Variants in RGS6 observed in about 807,000 individuals in gnomAD.
RGS6 encodes regulator of G protein signaling 6.
Under a neutral mutation model 78.5 loss-of-function variants are expected in RGS6, and 30 were observed. The ratio of observed to expected loss-of-function variants is 0.38; its 90% confidence interval spans 0.29 to 0.52. The LOEUF (loss-of-function observed/expected upper bound fraction) is 0.52, where lower values mean the gene tolerates loss of function less well. Among genes scored for constraint, RGS6 ranks in the 20% least tolerant of loss-of-function variants. RGS6 has a pLI of 0.85. For synonymous variants in RGS6, 206 were observed against 206.0 expected, an observed-to-expected ratio of 1.00 and a Z score of 0.00; for missense variants, 495 against 609.7, an observed-to-expected ratio of 0.81 and a Z score of 1.98.
At chr14:72,118,851 G>C (rs1020745942) in intron 2 of RGS6, among the ~76,000 whole-genome samples, 3 of 152,308 alleles carry the variant, frequency 2.0e-5, no homozygotes, top group South Asian at 2.1e-4. Context: ...AGTGGTTTTG[G>C]TGTTGAAAGA....
At position 71,991,947 on chromosome 14, in the gene RGS6, C is replaced by G. The variant is rs189108298; in HGVS notation, c.84+27072C>G. Among the ~76,000 whole-genome samples the G allele has an allele frequency of 5.9e-4, 90 of 151,868 alleles. No individual in the cohort carries two copies. The Middle Eastern group carries it at 0.01, about 17-fold the overall frequency. On this transcript the variant is annotated intron_variant, in intron 2 of 17. Coordinates refer to ENST00000553525, the MANE Select transcript of RGS6 (RefSeq NM_001204424.2). The stretch of plus-strand genomic sequence containing the variant: ...TGGACATGTCTGTATTCTAATAAAA[C>G]TTTATGAAAACAGGCAGTGAGCCAG...
intron 2 of RGS6, among the ~76,000 whole-genome samples, chr14:72,197,819 G>A (rs1433631641): frequency 2.6e-5 from 4 of 151,988 alleles, no homozygotes; most frequent in Non-Finnish European, 5.9e-5. Context: ...TAGCTCTGAG[G>A]TCCTTCAGGG....
At chr14:72,059,660 G>A (rs1376687269) in intron 2 of RGS6, among the ~76,000 whole-genome samples, 1 of 152,142 alleles carries the variant, frequency 6.6e-6, no homozygotes, top group African/African-American at 2.4e-5. Flanking sequence ...CTAACCCCCA[G>A]TGTGATGGTA....
intron 15 of RGS6, among the ~76,000 whole-genome samples, chr14:72,527,654 T>C (rs2097134833): frequency 6.6e-6 from 1 of 152,220 alleles, no homozygotes; most frequent in African/African-American, 2.4e-5. Flanking sequence ...TTATTGCCAC[T>C]TGACATGTAT....
intron 2 of RGS6, among the ~76,000 whole-genome samples, chr14:72,168,535 G>T (rs58868301): frequency 6.6e-6 from 1 of 152,200 alleles, no homozygotes; most frequent in African/African-American, 2.4e-5. Context: ...AATAAAGGGC[G>T]TAAGATATCT....
chr14:72,421,534 G>A (rs967361814), intron 3 of RGS6: 1 of 152,066 alleles, frequency 6.6e-6, no homozygotes, highest in African/African-American at 2.4e-5. Context: ...TTTGAGAAAA[G>A]AGGATTTAGT....
chr14:72,464,939 GA>G (rs1305611883), intron 6 of RGS6, among the ~76,000 whole-genome samples: 2 of 152,222 alleles, frequency 1.3e-5, no homozygotes, highest in Non-Finnish European at 2.9e-5. Context: ...TAGAGCAGGG[GA>G]CAGTCTAGTA....
At chr14:71,874,292 T>C in the RGS6 span, among the ~76,000 whole-genome samples, 1 of 152,002 alleles carries the variant, frequency 6.6e-6, no homozygotes, top group Non-Finnish European at 1.5e-5. Flanking sequence ...TGTTCTTCCA[T>C]TTGTTTGTGT....
chr14:72,585,148 G>A, the RGS6 span, among the ~76,000 whole-genome samples: 1 of 151,674 alleles, frequency 6.6e-6, no homozygotes, highest in Non-Finnish European at 1.5e-5. Context: ...TATACTTTCA[G>A]TCTACACATT....
At chr14:72,619,303 C>T in the RGS6 span, 16 of 1,536,086 alleles carry the variant, frequency 1.0e-5, 1 homozygote, top group South Asian at 9.5e-5. Flanking sequence ...GGCCCTAGGC[C>T]TGGCAGCCAA....
intron 2 of RGS6, among the ~76,000 whole-genome samples, chr14:71,976,873 C>T (rs1264524290): frequency 1.4e-5 from 2 of 145,648 alleles, no homozygotes; most frequent in East Asian, 4.2e-4. Flanking sequence ...TTTACAGTCC[C>T]ACCAACAGTG....
At chr14:72,475,417 C>T (rs968886473) in intron 10 of RGS6, among the ~76,000 whole-genome samples, 3 of 151,978 alleles carry the variant, frequency 2.0e-5, no homozygotes, top group African/African-American at 7.3e-5. Flanking sequence ...GACAGCATGA[C>T]CAGACTCCGT....
chr14:72,352,082 T>C lies in RGS6; in HGVS notation c.85-13T>C, dbSNP rs751313009. The stretch of plus-strand genomic sequence containing the variant: ...GGGAGAAAATAACACTTCTTTTCTT[T>C]AACCTCTTTCAGATTGAAGACATCA... On this transcript the variant is annotated splice_polypyrimidine_tract_variant and intron_variant, in intron 2 of 17. Coordinates refer to ENST00000553525, the MANE Select transcript of RGS6 (RefSeq NM_001204424.2). 3 of 1,594,832 alleles carry C rather than the reference T, an allele frequency of 1.9e-6. No homozygotes were observed. Among genetic ancestry groups the C allele is most frequent in the Non-Finnish European group, 2.6e-6 (3 of 1,166,154 alleles).
intron 2 of RGS6, among the ~76,000 whole-genome samples, chr14:72,303,701 C>A (rs1303958105): frequency 6.6e-6 from 1 of 152,114 alleles, no homozygotes; most frequent in Non-Finnish European, 1.5e-5. Context: ...AACTAATTTC[C>A]TTCCCTATAA....
chr14:72,004,990 A>G (rs995526956), intron 2 of RGS6, among the ~76,000 whole-genome samples: 4 of 152,230 alleles, frequency 2.6e-5, no homozygotes, highest in Admixed American at 1.3e-4. Context: ...TTTTGACATA[A>G]CAAATCTAAT....
chr14:72,289,588 A>T (rs182860186), intron 2 of RGS6, among the ~76,000 whole-genome samples: 9 of 152,314 alleles, frequency 5.9e-5, no homozygotes, highest in Admixed American at 4.6e-4. Flanking sequence ...CCTCATGTTC[A>T]CGCTGGGAGG....
chr14:72,461,136 T>C (rs185421324), intron 6 of RGS6, among the ~76,000 whole-genome samples: 1 of 152,278 alleles, frequency 6.6e-6, no homozygotes, highest in East Asian at 1.9e-4. Flanking sequence ...ATAAAACTAG[T>C]GCTTCTGGGG....
At chr14:72,354,020 G>GCACACA (rs55728308) in intron 3 of RGS6, among the ~76,000 whole-genome samples, 8 of 151,358 alleles carry the variant, frequency 5.3e-5, no homozygotes, top group Admixed American at 1.3e-4. Context: ...TCATGGAACA[G>GCACACA]CACACACACA....
chr14:72,510,061 G>C (rs1372770441), intron 13 of RGS6, 93 bp from the exon 14 acceptor site: 40 of 1,396,954 alleles, frequency 2.9e-5, no homozygotes, highest in Non-Finnish European at 2.9e-6. Context: ...TTTGGTGAGT[G>C]ACTGCAAAAC....
Sources: gnomAD v4.1 joint callset for allele counts (sites outside exome capture counted in the v4.1 genomes callset) on GRCh38, gnomAD v4.1.1 for gene constraint, MANE v1.5 for transcripts, NCBI Gene and HGNC (gene_info 2026-07-23, HGNC 2026-07-21) for gene names.